RBMS1: variants seen among roughly 807,000 people sequenced by gnomAD.
The protein encoded by RBMS1 is RNA-binding motif, single-stranded-interacting protein 1.
In RBMS1, 17 loss-of-function variants were observed where a neutral mutation model predicts 62.3. That is an observed-to-expected ratio of 0.27 (90% CI 0.19 to 0.41). The LOEUF (loss-of-function observed/expected upper bound fraction) is 0.41. Among genes scored for constraint, RBMS1 ranks in the 10% least tolerant of loss-of-function variants. The pLI is 1.00. For missense variants in RBMS1, 334 were observed against 504.5 expected (o/e 0.66, Z 3.24); for synonymous variants, 172 against 170.0 (o/e 1.01, Z -0.09).
At chr2:160,369,955 A>G (rs1298802526) in intron 1 of RBMS1, among the ~76,000 whole-genome samples, 1 of 152,194 alleles carries the variant, frequency 6.6e-6, no homozygotes, top group Non-Finnish European at 1.5e-5. Flanking sequence ...TATGATTTAC[A>G]TATCTGAATT....
At chr2:160,356,441 A>G (rs79832078) in intron 2 of RBMS1, among the ~76,000 whole-genome samples, 1,696 of 152,174 alleles carry the variant, frequency 0.011, 47 homozygotes, top group African/African-American at 0.039. Context: ...GGTGCTGATG[A>G]GGAAGCAAGG....
intron 1 of RBMS1, among the ~76,000 whole-genome samples, chr2:160,424,623 G>A (rs953930327): frequency 3.3e-5 from 5 of 151,920 alleles, no homozygotes; most frequent in African/African-American, 7.3e-5. Flanking sequence ...CTGCTGTTTG[G>A]GTTCTTCTTC....
At chr2:160,293,821 A>G (rs1487205258) in intron 6 of RBMS1, among the ~76,000 whole-genome samples, 1 of 152,150 alleles carries the variant, frequency 6.6e-6, no homozygotes, top group East Asian at 1.9e-4. Flanking sequence ...CTAGAAGAGC[A>G]TTTTTAGACA....
chr2:160,345,089 C>T (rs1692102556), intron 2 of RBMS1, among the ~76,000 whole-genome samples: 1 of 151,940 alleles, frequency 6.6e-6, no homozygotes, highest in Non-Finnish European at 1.5e-5. Context: ...GCAAATTTGC[C>T]CAAGATTACA....
At chr2:160,303,214 G>A in intron 5 of RBMS1, 116 bp downstream of exon 5, 1 of 1,066,342 alleles carries the variant, frequency 9.4e-7, no homozygotes, top group Non-Finnish European at 1.3e-6. Flanking sequence ...AGTTCACAGT[G>A]CAACTGCTCC....
In RBMS1 at chr2:160,493,497, T is replaced by G; in HGVS notation, c.-134A>C. ...CGGCGGCTGCTGCTGCTGCCGCTGC[T>G]CCACCTCCCAGCCGGGACCAGACGT... On this transcript the variant is annotated 5_prime_UTR_variant, in exon 1 of 14. Transcript: ENST00000348849. The G allele has an allele frequency of 1.4e-6, 1 of 729,822 alleles. No homozygotes were observed. The highest frequency in any genetic ancestry group is 2.4e-6 in the Non-Finnish European group (1 of 421,158). 45.2% of individuals were successfully genotyped at this position (729,822 alleles called of 1,614,324 possible).
At chr2:160,409,943 C>A (rs1249972488) in intron 1 of RBMS1, among the ~76,000 whole-genome samples, 1 of 152,174 alleles carries the variant, frequency 6.6e-6, no homozygotes, top group South Asian at 2.1e-4. Context: ...GTTAAAAAGA[C>A]TCTGGCCGGG....
chr2:160,395,675 C>T (rs889713001), intron 1 of RBMS1, among the ~76,000 whole-genome samples: 3 of 149,788 alleles, frequency 2.0e-5, no homozygotes, highest in African/African-American at 4.9e-5. Context: ...AAAATGCTCA[C>T]ATAATAGTCG....
At chr2:160,490,908 G>T (rs759659720) in intron 1 of RBMS1, among the ~76,000 whole-genome samples, 1 of 152,158 alleles carries the variant, frequency 6.6e-6, no homozygotes, top group Non-Finnish European at 1.5e-5. Flanking sequence ...TAAACAGAGT[G>T]ATGTTTTCTA....
chr2:160,292,160 C>T (rs1688715548), intron 6 of RBMS1, among the ~76,000 whole-genome samples: 2 of 152,186 alleles, frequency 1.3e-5, no homozygotes, highest in Non-Finnish European at 1.5e-5. Context: ...TGGTGGTATT[C>T]TAACCAGTAT....
At chr2:160,404,251 G>A (rs1443421630) in intron 1 of RBMS1, among the ~76,000 whole-genome samples, 1 of 152,140 alleles carries the variant, frequency 6.6e-6, no homozygotes, top group Non-Finnish European at 1.5e-5. Context: ...TCACAGGCCT[G>A]TGAGGCAGGA....
intron 6 of RBMS1, among the ~76,000 whole-genome samples, chr2:160,292,474 G>C (rs562596294): frequency 5.9e-5 from 9 of 152,180 alleles, no homozygotes; most frequent in Non-Finnish European, 1.2e-4. Context: ...CTAAACACTT[G>C]GGGACTGGCC....
chr2:160,421,467 G>T (rs527870628), intron 1 of RBMS1, among the ~76,000 whole-genome samples: 334 of 152,292 alleles, frequency 2.2e-3, no homozygotes, highest in African/African-American at 7.4e-3. Context: ...TCCCTACAAA[G>T]GACATGAACT....
At chr2:160,385,756 T>G (rs923110295) in intron 1 of RBMS1, among the ~76,000 whole-genome samples, 2 of 152,202 alleles carry the variant, frequency 1.3e-5, no homozygotes, top group Non-Finnish European at 2.9e-5. Context: ...GAGAAGAGAA[T>G]GCAAAAGATC....
chr2:160,361,661 A>G, intron 2 of RBMS1, among the ~76,000 whole-genome samples: 1 of 152,220 alleles, frequency 6.6e-6, no homozygotes, highest in South Asian at 2.1e-4. Context: ...CCGTAATTTA[A>G]AAATACTTTA....
rs530506468 is a variant in RBMS1, at chr2:160,407,000, G to T, written c.76-39609C>A. 7.9e-5 allele frequency among the ~76,000 whole-genome samples: 12 copies of T among 151,542 alleles called. No homozygotes were observed. The South Asian group carries it at 2.5e-3, about 32-fold the overall frequency. On this transcript the variant is annotated intron_variant, in intron 1 of 13. Transcript: ENST00000348849. ...TTTTTTCTTTAAATGAGGGGGGCGC[G>T]CGCGAACACACAGACACACACAGAG... is the stretch of plus-strand genomic sequence containing the variant.
chr2:160,363,285 C>T (rs1386272631), intron 2 of RBMS1, among the ~76,000 whole-genome samples: 1 of 152,086 alleles, frequency 6.6e-6, no homozygotes, highest in Non-Finnish European at 1.5e-5. Context: ...CATGTACTGT[C>T]ACAGACATGT....
At chr2:160,337,133 T>TCC in intron 2 of RBMS1, among the ~76,000 whole-genome samples, 1 of 143,498 alleles carries the variant, frequency 7.0e-6, no homozygotes, top group Admixed American at 6.9e-5. Context: ...TCTTTTTCTT[T>TCC]TCTTTTTTTT....
At chr2:160,363,611 A>G (rs13027946) in intron 2 of RBMS1, among the ~76,000 whole-genome samples, 1 of 152,170 alleles carries the variant, frequency 6.6e-6, no homozygotes, top group East Asian at 1.9e-4. Flanking sequence ...AGAAGAATCC[A>G]CAAAACTTAG....
Sources: gnomAD v4.1 joint callset for allele counts (sites outside exome capture counted in the v4.1 genomes callset) on GRCh38, gnomAD v4.1.1 for gene constraint, MANE v1.5 for transcripts, NCBI Gene and HGNC (gene_info 2026-07-23, HGNC 2026-07-21) for gene names.